The following DGKI variants were observed in gnomAD, a reference collection of about 807,000 sequenced individuals.
DGKI encodes diacylglycerol kinase iota, also known as DAG kinase iota.
Under a neutral mutation model 147.5 loss-of-function variants are expected in DGKI, and 55 were observed. The observed-to-expected ratio is 0.37, with a 90% CI of 0.30 to 0.47. The LOEUF (loss-of-function observed/expected upper bound fraction) is 0.47. DGKI is among the 20% of genes least tolerant of loss of function. DGKI has a pLI of 1.00. For synonymous variants in DGKI, 469 were observed against 477.1 expected (o/e 0.98, Z 0.22); for missense variants, 1,007 against 1,323.8 (o/e 0.76, Z 3.71).
Position 137,390,048 on chromosome 7 carries a change from GA to G in DGKI, c.*1171del, listed in dbSNP as rs1185426240. On this transcript the variant is annotated 3_prime_UTR_variant, in exon 33 of 33. Coordinates refer to ENST00000614521, the MANE Select transcript of DGKI (RefSeq NM_001321708.2). ...AGTAATGAAAACCAAAAACCTAAAA[GA>G]AAGACCTAAAATGGGGCTCCTCTCA... 7 of 152,192 alleles carry G rather than the reference GA, an allele frequency of 4.6e-5. No homozygotes were observed. The highest frequency in any genetic ancestry group is 1.7e-4 in the African/African-American group (7 of 41,548). 9.4% of individuals were successfully genotyped at this position (152,192 alleles called of 1,614,324 possible).
intron 1 of DGKI, among the ~76,000 whole-genome samples, chr7:137,828,098 G>A (rs1798112203): frequency 6.6e-6 from 1 of 152,196 alleles, no homozygotes; most frequent in Non-Finnish European, 1.5e-5. Flanking sequence ...ACAGGTCAAT[G>A]TCTTGCTTCT....
At chr7:137,826,363 A>G (rs1798057750) in intron 1 of DGKI, among the ~76,000 whole-genome samples, 1 of 152,234 alleles carries the variant, frequency 6.6e-6, no homozygotes, top group Non-Finnish European at 1.5e-5. Flanking sequence ...GCCAGCAGTC[A>G]GAATTGGTCA....
In DGKI at chr7:137,619,959, C is replaced by T. The variant is rs1379851982; in HGVS notation, c.877-19G>A. ...TGTGAAACTGAAGAGAAAAATAAGC[C>T]AGTAAACAATTCTGGTCAAAGAGTA... is the stretch of plus-strand genomic sequence containing the variant. On this transcript the variant is annotated intron_variant, in intron 7 of 32. Transcript: ENST00000614521. The T allele has an allele frequency of 3.1e-6, 5 of 1,588,200 alleles. No individual in the cohort carries two copies. Among genetic ancestry groups the T allele is most frequent in the Admixed American group, 1.7e-5 (1 of 59,696 alleles).
At chr7:137,696,246 T>C (rs1437856565) in intron 1 of DGKI, among the ~76,000 whole-genome samples, 1 of 152,104 alleles carries the variant, frequency 6.6e-6, no homozygotes, top group African/African-American at 2.4e-5. Flanking sequence ...AGTAAATAAT[T>C]CCACGGTTGC....
chr7:137,412,112 T>A, intron 29 of DGKI, 58 bp downstream of exon 29: 1 of 1,459,986 alleles, frequency 6.8e-7, no homozygotes, highest in Admixed American at 1.7e-5. Context: ...TGATGAGGAA[T>A]GATGTTGATT....
intron 21 of DGKI, among the ~76,000 whole-genome samples, chr7:137,505,528 G>A (rs1010857117): frequency 3.3e-5 from 5 of 152,082 alleles, no homozygotes; most frequent in Non-Finnish European, 7.4e-5. Flanking sequence ...AAGCAAATTA[G>A]AATATTCACT....
At chr7:137,514,992 T>G (rs547786137) in intron 21 of DGKI, among the ~76,000 whole-genome samples, 10 of 152,160 alleles carry the variant, frequency 6.6e-5, no homozygotes, top group African/African-American at 2.4e-4. Flanking sequence ...GCCCCCTCCA[T>G]GTGCTGACCC....
intron 2 of DGKI, among the ~76,000 whole-genome samples, chr7:137,683,717 C>G (rs1184156838): frequency 2.0e-5 from 3 of 152,174 alleles, no homozygotes; most frequent in Non-Finnish European, 4.4e-5. Flanking sequence ...AGAAAAATAA[C>G]TCTCCTATTT....
chr7:137,542,414 G>A (rs1817733577), intron 20 of DGKI, among the ~76,000 whole-genome samples: 1 of 152,120 alleles, frequency 6.6e-6, no homozygotes. Flanking sequence ...TCCATACAAT[G>A]AAATACAGCT....
At chr7:137,477,380 T>C (rs1235198031) in intron 23 of DGKI, among the ~76,000 whole-genome samples, 18 of 152,232 alleles carry the variant, frequency 1.2e-4, no homozygotes, top group Non-Finnish European at 1.5e-5. Flanking sequence ...GCATGTTGCA[T>C]GGTTTTCATT....
At chr7:137,836,767 A>G (rs972882724) in intron 1 of DGKI, among the ~76,000 whole-genome samples, 3 of 152,206 alleles carry the variant, frequency 2.0e-5, no homozygotes, top group African/African-American at 7.2e-5. Context: ...TGGCCTCCCT[A>G]CAACTGACAG....
At chr7:137,752,819 T>A (rs2116765280) in intron 1 of DGKI, among the ~76,000 whole-genome samples, 1 of 152,312 alleles carries the variant, frequency 6.6e-6, no homozygotes, top group Non-Finnish European at 1.5e-5. Flanking sequence ...CCCGGCCGAA[T>A]AAAGCCCTTC....
chr7:137,490,126 A>G (rs1055183625), intron 21 of DGKI, among the ~76,000 whole-genome samples: 6 of 152,232 alleles, frequency 3.9e-5, no homozygotes, highest in African/African-American at 1.4e-4. Flanking sequence ...AAAAAAGGGC[A>G]TTCTCTACCA....
rs552790489 is a variant in DGKI, at chr7:137,793,324, G to A, written c.401+53138C>T. On this transcript the variant is annotated intron_variant, in intron 1 of 32. Transcript: ENST00000614521. ...TTTTTTTTGTTTTTTTTTTTGAGACGGAGTCTCACTCTGTCGCCCAGGCTG... is the reference window on the plus strand; with the variant it reads ...TTTTTTTTGTTTTTTTTTTTGAGACAGAGTCTCACTCTGTCGCCCAGGCTG... Among the ~76,000 whole-genome samples the A allele has an allele frequency of 1.4e-3, 208 of 145,738 alleles. 2 individuals are homozygous for A. The highest frequency in any genetic ancestry group is 2.2e-3 in the Non-Finnish European group (147 of 66,942).
Position 137,788,497 on chromosome 7 carries a change from G to A in DGKI, c.401+57965C>T, listed in dbSNP as rs993218478. ...AGACATGACTTCTCTTGATGGCTACGTCTCCAGACTGTTCTTCTACCAATC... is the reference window on the plus strand; with the variant it reads ...AGACATGACTTCTCTTGATGGCTACATCTCCAGACTGTTCTTCTACCAATC... On this transcript the variant is annotated intron_variant, in intron 1 of 32. Coordinates refer to ENST00000614521, the MANE Select transcript of DGKI (RefSeq NM_001321708.2). 3.3e-5 allele frequency among the ~76,000 whole-genome samples: 5 copies of A among 152,014 alleles called. No homozygotes were observed. In the South Asian group the frequency reaches 8.3e-4, roughly 25 times the overall value.
In DGKI at chr7:137,386,290, A is replaced by C. The variant is rs1445771938; in HGVS notation, c.*4930T>G. On this transcript the variant is annotated 3_prime_UTR_variant, in exon 33 of 33. Transcript: ENST00000614521. ...ATTAAGCTGTGAGGAGACAGTGTAA[A>C]ACCAAAGATGGCCCTCAGCAGTGTA... 6.6e-6 allele frequency: 1 copy of C among 152,064 alleles called. No individual in the cohort carries two copies. The highest frequency in any genetic ancestry group is 2.4e-5 in the African/African-American group (1 of 41,416). 9.4% of individuals were successfully genotyped at this position (152,064 alleles called of 1,614,324 possible). A position where few individuals can be genotyped will look rare whatever the true frequency, so the allele number is the denominator to read the frequency against.
At chr7:137,568,977 A>C (rs1414259709) in intron 19 of DGKI, among the ~76,000 whole-genome samples, 1 of 152,114 alleles carries the variant, frequency 6.6e-6, no homozygotes, top group Non-Finnish European at 1.5e-5. Flanking sequence ...CAAGACACAG[A>C]TATAGTCTGA....
intron 28 of DGKI, among the ~76,000 whole-genome samples, chr7:137,422,120 C>T (rs1812595301): frequency 1.3e-5 from 2 of 152,298 alleles, no homozygotes; most frequent in Admixed American, 6.5e-5. Flanking sequence ...CTTCCTAGAA[C>T]ATTGATAGTA....
intron 3 of DGKI, among the ~76,000 whole-genome samples, chr7:137,664,749 T>C (rs961502472): frequency 1.4e-4 from 22 of 152,110 alleles, no homozygotes; most frequent in African/African-American, 4.8e-4. Flanking sequence ...CCCTGAAAAA[T>C]TGTTTTGATC....
Sources: gnomAD v4.1 joint callset for allele counts (sites outside exome capture counted in the v4.1 genomes callset) on GRCh38, gnomAD v4.1.1 for gene constraint, MANE v1.5 for transcripts, NCBI Gene and HGNC (gene_info 2026-07-23, HGNC 2026-07-21) for gene names.